The following MYRIP variants were observed in gnomAD, a reference collection of about 807,000 sequenced individuals.
MYRIP encodes rab effector MyRIP.
Under a neutral mutation model 98.0 loss-of-function variants are expected in MYRIP, and 49 were observed. The ratio of observed to expected loss-of-function variants is 0.50; its 90% CI spans 0.40 to 0.63. The LOEUF (loss-of-function observed/expected upper bound fraction) is 0.63. MYRIP is among the 30% of genes least tolerant of loss of function. The pLI is 0.00. For synonymous variants in MYRIP, 404 were observed against 409.5 expected (o/e 0.99, Z 0.16); for missense variants, 1,004 against 1,058.2 (o/e 0.95, Z 0.71).
At chr3:39,985,541 T>C (rs1470562142) in intron 2 of MYRIP, among the ~76,000 whole-genome samples, 3 of 137,714 alleles carry the variant, frequency 2.2e-5, no homozygotes, top group Non-Finnish European at 3.1e-5. Context: ...GGCATCACGC[T>C]ACCTGACTTC....
intron 2 of MYRIP, among the ~76,000 whole-genome samples, chr3:39,952,597 TTTTC>T (rs1361300617): frequency 6.6e-6 from 1 of 152,232 alleles, no homozygotes; most frequent in African/African-American, 2.4e-5. Flanking sequence ...TGGTCTATAA[TTTTC>T]TTTAATTGTG....
chr3:40,070,900 G>C (rs1948211088), intron 3 of MYRIP, among the ~76,000 whole-genome samples: 2 of 152,144 alleles, frequency 1.3e-5, no homozygotes, highest in South Asian at 4.1e-4. Context: ...CATCTAAAAA[G>C]TGTCTTCCCC....
chr3:39,836,792 C>G (rs149061278), intron 1 of MYRIP, among the ~76,000 whole-genome samples: 4,227 of 152,294 alleles, frequency 0.028, 185 homozygotes, highest in East Asian at 0.22. Flanking sequence ...AGTAAACACA[C>G]TTGTGGATAA....
intron 3 of MYRIP, among the ~76,000 whole-genome samples, chr3:40,111,187 C>T (rs891518752): frequency 5.3e-5 from 8 of 152,072 alleles, no homozygotes; most frequent in African/African-American, 1.9e-4. Flanking sequence ...ATCATTACTG[C>T]TCAGGATGGT....
chr3:39,997,546 C>A (rs1461717693), intron 2 of MYRIP, among the ~76,000 whole-genome samples: 1 of 152,154 alleles, frequency 6.6e-6, no homozygotes, highest in Admixed American at 6.5e-5. Context: ...TAATTAATAG[C>A]TTACCAACCA....
At chr3:40,190,748 A>T (rs186821183) in intron 10 of MYRIP, among the ~76,000 whole-genome samples, 15 of 152,274 alleles carry the variant, frequency 9.9e-5, no homozygotes, top group Non-Finnish European at 1.9e-4. Flanking sequence ...AAATCTGCCA[A>T]ATTGGAGATT....
intron 1 of MYRIP, among the ~76,000 whole-genome samples, chr3:39,887,246 C>A (rs1403810077): frequency 6.6e-6 from 1 of 151,398 alleles, no homozygotes; most frequent in Non-Finnish European, 1.5e-5. Flanking sequence ...AGGAAAGATC[C>A]AAAATTGACA....
chr3:40,083,865 C>T (rs942434148), intron 3 of MYRIP, among the ~76,000 whole-genome samples: 5 of 152,110 alleles, frequency 3.3e-5, no homozygotes, highest in East Asian at 1.9e-4. Context: ...CGGCCGGGCG[C>T]GGTGGCTCAC....
intron 3 of MYRIP, among the ~76,000 whole-genome samples, chr3:40,080,791 C>CTTTTTTTTT (rs34610302): frequency 6.4e-5 from 6 of 93,844 alleles, no homozygotes; most frequent in African/African-American, 1.3e-4. Flanking sequence ...ATCCTAACTT[C>CTTTTTTTTT]TTTTTTTTTT....
intron 2 of MYRIP, among the ~76,000 whole-genome samples, chr3:39,982,406 G>A (rs557321192): frequency 7.2e-5 from 11 of 152,204 alleles, no homozygotes; most frequent in Admixed American, 5.2e-4. Flanking sequence ...TGACATTTTC[G>A]TTAATGGAAA....
At chr3:40,045,884 G>A (rs978224356) in intron 3 of MYRIP, among the ~76,000 whole-genome samples, 6 of 152,162 alleles carry the variant, frequency 3.9e-5, no homozygotes, top group African/African-American at 1.4e-4. Flanking sequence ...GATGGATGGG[G>A]AGAAAATGAA....
chr3:40,156,905 G>A (rs956489365), intron 4 of MYRIP, among the ~76,000 whole-genome samples: 1 of 151,674 alleles, frequency 6.6e-6, no homozygotes, highest in Non-Finnish European at 1.5e-5. Flanking sequence ...CTGAGACAAT[G>A]GGGTTTTCTA....
chr3:40,107,501 G>A (rs1241688646), intron 3 of MYRIP, among the ~76,000 whole-genome samples: 1 of 152,156 alleles, frequency 6.6e-6, no homozygotes, highest in African/African-American at 2.4e-5. Flanking sequence ...GCATAGAGGG[G>A]GCTGATCTTG....
intron 1 of MYRIP, among the ~76,000 whole-genome samples, chr3:39,843,034 C>G (rs1373557993): frequency 1.3e-5 from 2 of 152,138 alleles, no homozygotes; most frequent in Admixed American, 6.5e-5. Flanking sequence ...GGATGAATTA[C>G]CAGAGTATAG....
intron 3 of MYRIP, among the ~76,000 whole-genome samples, chr3:40,085,814 C>T (rs1948614421): frequency 6.6e-6 from 1 of 152,204 alleles, no homozygotes; most frequent in African/African-American, 2.4e-5. Flanking sequence ...TCTCTCTCCT[C>T]ATGAGTTTTA....
At chr3:40,186,783 A>G (rs1183984462) in intron 9 of MYRIP, among the ~76,000 whole-genome samples, 2 of 152,226 alleles carry the variant, frequency 1.3e-5, no homozygotes, top group East Asian at 1.9e-4. Context: ...AAAAATCAAT[A>G]TAACTACTTA....
At chr3:40,178,372 T>TGAGTGAGAGAACAGTTA (rs1950814357) in intron 8 of MYRIP, among the ~76,000 whole-genome samples, 1 of 152,204 alleles carries the variant, frequency 6.6e-6, no homozygotes, top group Non-Finnish European at 1.5e-5. Context: ...ACCAGTTGGT[T>TGAGTGAGAGAACAGTTA]CACGTGGCAA....
chr3:39,868,202 T>C (rs974644005), intron 1 of MYRIP, among the ~76,000 whole-genome samples: 1 of 152,236 alleles, frequency 6.6e-6, no homozygotes, highest in Non-Finnish European at 1.5e-5. Context: ...TCTGTCCTGC[T>C]TCTCTGAGAA....
chr3:39,875,282 A>G (rs1321604614), intron 1 of MYRIP, among the ~76,000 whole-genome samples: 1 of 152,076 alleles, frequency 6.6e-6, no homozygotes, highest in Non-Finnish European at 1.5e-5. Context: ...TGATCCTTTC[A>G]AAAAAGCAGC....
Sources: gnomAD v4.1 joint callset for allele counts (sites outside exome capture counted in the v4.1 genomes callset) on GRCh38, gnomAD v4.1.1 for gene constraint, MANE v1.5 for transcripts, NCBI Gene and HGNC (gene_info 2026-07-23, HGNC 2026-07-21) for gene names.